Variants in ERLIN1 observed in about 807,000 individuals in gnomAD.
ERLIN1 encodes the protein erlin-1.
Under a neutral mutation model 46.9 loss-of-function variants are expected in ERLIN1, and 24 were observed. The ratio of observed to expected loss-of-function variants is 0.51; its 90% CI spans 0.37 to 0.72. ERLIN1 has a LOEUF of 0.72. Ranked by LOEUF, ERLIN1 falls within the 30% of genes least tolerant of loss-of-function variation. The pLI is 0.00. For synonymous variants in ERLIN1, 158 were observed against 143.2 expected, an observed-to-expected ratio of 1.10 and a Z score of -0.74; for missense variants, 293 against 417.9, an observed-to-expected ratio of 0.70 and a Z score of 2.61.
At chr10:100,155,620 T>C (rs1843039007) in intron 9 of ERLIN1, among the ~76,000 whole-genome samples, 1 of 152,004 alleles carries the variant, frequency 6.6e-6, no homozygotes, top group South Asian at 2.1e-4. Context: ...GTTCACGCCA[T>C]TCTCCTGCCT....
intron 6 of ERLIN1, among the ~76,000 whole-genome samples, chr10:100,168,914 A>G (rs1004456622): frequency 6.6e-6 from 1 of 151,952 alleles, no homozygotes; most frequent in Non-Finnish European, 1.5e-5. Flanking sequence ...GAACTCCTGA[A>G]CTCAGGTGAT....
rs55801624 is a variant in ERLIN1, at chr10:100,166,427, C to CA, written c.563+920dup. ...TGGGCAACAGAGCAAGACCTTGTCT[C>CA]AAAAAAAAAAAAATTAAGAAAAAGA... On this transcript the variant is annotated intron_variant, in intron 7 of 10. Coordinates refer to ENST00000421367, the MANE Select transcript of ERLIN1 (RefSeq NM_006459.4). 6.3e-3 allele frequency among the ~76,000 whole-genome samples: 688 copies of CA among 109,506 alleles called. 6 individuals carry two copies. The highest frequency in any genetic ancestry group is 0.027 in the East Asian group (102 of 3,848). 71.8% of individuals were successfully genotyped at this position (109,506 alleles called of 152,430 possible).
At chr10:100,159,714 A>G (rs1564800754) in intron 8 of ERLIN1, among the ~76,000 whole-genome samples, 1 of 152,148 alleles carries the variant, frequency 6.6e-6, no homozygotes, top group Non-Finnish European at 1.5e-5. Flanking sequence ...TTTAGAATTA[A>G]AACTGAACAC....
intron 1 of ERLIN1, 97 bp downstream of exon 1, chr10:100,185,417 C>T: frequency 2.1e-6 from 2 of 933,134 alleles, no homozygotes; most frequent in Non-Finnish European, 3.4e-6. Flanking sequence ...GGGACATGCG[C>T]CCCCGAACGT....
chr10:100,154,987 TAA>T (rs768425611), intron 9 of ERLIN1, 48 bp from the exon 10 acceptor site: 15 of 1,466,528 alleles, frequency 1.0e-5, no homozygotes, highest in Non-Finnish European at 1.4e-5. Context: ...CTCAGCTAGT[TAA>T]GAGTCCCTTT....
rs1844494312 is a variant in ERLIN1 at position 100,179,263 on chromosome 10, T to C, written c.196-16A>G. The C allele has an allele frequency of 6.3e-7, 1 of 1,578,618 alleles. No individual in the cohort carries two copies. The highest frequency in any genetic ancestry group is 8.6e-7 in the Non-Finnish European group (1 of 1,157,668). On this transcript the variant is annotated splice_polypyrimidine_tract_variant and intron_variant, in intron 2 of 10. Coordinates refer to ENST00000421367, the MANE Select transcript of ERLIN1 (RefSeq NM_006459.4). ...GTAGTGTTGTCTAGGGAGGAAAAGA[T>C]ATCTCATCAACACTCAAGACACACA... is the stretch of plus-strand genomic sequence containing the variant.
In ERLIN1 at chr10:100,150,771, C is replaced by A. The variant is rs1303334226; in HGVS notation, c.*1360G>T. On this transcript the variant is annotated 3_prime_UTR_variant, in exon 11 of 11. Transcript: ENST00000421367. Reference sequence around the variant, plus strand: ...ACAAGAGTTGTCTTAACAAGCTGCACAAACTCAGGCCGAACTACGCAGCAC... The same window carrying A: ...ACAAGAGTTGTCTTAACAAGCTGCAAAAACTCAGGCCGAACTACGCAGCAC... 3 of 152,394 alleles carry A rather than the reference C, an allele frequency of 2.0e-5. No homozygotes were observed. 9.4% of individuals were successfully genotyped at this position (152,394 alleles called of 1,614,324 possible).
In ERLIN1 at chr10:100,150,661, C is replaced by CTGTCATGAGACTGAGTT. The variant is rs1490240849; in HGVS notation, c.*1469_*1470insAACTCAGTCTCATGACA. Reference sequence around the variant, plus strand: ...TAAAGTGTTTGGCACAACCAACAAACTGTCATGAGACTGACAGGCCTGACA... The same window carrying CTGTCATGAGACTGAGTT: ...TAAAGTGTTTGGCACAACCAACAAACTGTCATGAGACTGAGTTTGTCATGAGACTGACAGGCCTGACA... On this transcript the variant is annotated 3_prime_UTR_variant, in exon 11 of 11. Coordinates refer to ENST00000421367, the MANE Select transcript of ERLIN1 (RefSeq NM_006459.4). The CTGTCATGAGACTGAGTT allele has an allele frequency of 6.6e-6, 1 of 152,626 alleles. No homozygotes were observed. The highest frequency in any genetic ancestry group is 6.5e-5 in the Admixed American group (1 of 15,280). 9.5% of individuals were successfully genotyped at this position (152,626 alleles called of 1,614,324 possible).
intron 1 of ERLIN1, among the ~76,000 whole-genome samples, chr10:100,184,286 T>C (rs962001019): frequency 2.0e-5 from 3 of 152,208 alleles, no homozygotes; most frequent in Admixed American, 6.5e-5. Flanking sequence ...CTGAGGCTTA[T>C]AATTCTTTCG....
intron 2 of ERLIN1, among the ~76,000 whole-genome samples, chr10:100,180,727 T>C (rs1167536658): frequency 2.0e-5 from 3 of 152,148 alleles, no homozygotes; most frequent in Non-Finnish European, 2.9e-5. Context: ...GCTGGGGAGT[T>C]TGGGATCTCT....
chr10:100,173,074 T>C (rs760636356), intron 6 of ERLIN1, among the ~76,000 whole-genome samples: 4 of 152,208 alleles, frequency 2.6e-5, no homozygotes, highest in Non-Finnish European at 4.4e-5. Flanking sequence ...TGACATTGCA[T>C]GAATGAGGCC....
At chr10:100,171,277 T>A (rs572611056) in intron 6 of ERLIN1, among the ~76,000 whole-genome samples, 1 of 152,088 alleles carries the variant, frequency 6.6e-6, no homozygotes, top group Non-Finnish European at 1.5e-5. Context: ...AAGAAAAAAT[T>A]TGAAGAAAAT....
intron 7 of ERLIN1, among the ~76,000 whole-genome samples, chr10:100,164,451 T>G (rs550974053): frequency 6.6e-6 from 1 of 152,228 alleles, no homozygotes; most frequent in South Asian, 2.1e-4. Flanking sequence ...TCTGTGCCAA[T>G]TAGAAAACGG....
intron 8 of ERLIN1, among the ~76,000 whole-genome samples, chr10:100,161,637 A>T (rs1843367850): frequency 6.6e-6 from 1 of 152,210 alleles, no homozygotes. Context: ...GTTAACAGGT[A>T]AGAGAAATAG....
intron 10 of ERLIN1, among the ~76,000 whole-genome samples, chr10:100,153,610 T>C (rs1842919362): frequency 6.6e-6 from 1 of 152,230 alleles, no homozygotes; most frequent in African/African-American, 2.4e-5. Context: ...AGGTGATTCA[T>C]ATCCTCTGTC....
intron 9 of ERLIN1, among the ~76,000 whole-genome samples, chr10:100,155,600 C>T (rs1199641839): frequency 4.6e-5 from 7 of 151,764 alleles, no homozygotes; most frequent in Non-Finnish European, 7.4e-5. Flanking sequence ...CTGCAAGCTC[C>T]GCCTCCCAGG....
At position 100,150,498 on chromosome 10, in the gene ERLIN1, C is replaced by T. The variant is rs1478230810; in HGVS notation, c.*1633G>A. 6.6e-6 allele frequency: 1 copy of T among 152,604 alleles called. No homozygotes were observed. Among genetic ancestry groups the T allele is most frequent in the Non-Finnish European group, 1.5e-5 (1 of 68,014 alleles). 9.5% of individuals were successfully genotyped at this position (152,604 alleles called of 1,614,324 possible). A position where few individuals can be genotyped will look rare whatever the true frequency, so the allele number is the denominator to read the frequency against. On this transcript the variant is annotated 3_prime_UTR_variant, in exon 11 of 11. Transcript: ENST00000421367. The stretch of plus-strand genomic sequence containing the variant: ...AGTTCTTTTAAGGAGAACTAAAGAA[C>T]ACAAAATTCATTTATAAAGAGAATT...
intron 8 of ERLIN1, among the ~76,000 whole-genome samples, chr10:100,160,104 G>A (rs750745342): frequency 3.3e-5 from 5 of 151,944 alleles, no homozygotes; most frequent in South Asian, 2.1e-4. Context: ...AGAATTCTAC[G>A]AACAAATTTA....
At position 100,155,297 on chromosome 10, in the gene ERLIN1, C is replaced by G. The variant is rs374959172; in HGVS notation, c.746-358G>C. 1.6e-4 allele frequency among the ~76,000 whole-genome samples: 24 copies of G among 152,114 alleles called. No individual in the cohort carries two copies. The East Asian group carries it at 3.7e-3, about 23-fold the overall frequency. On this transcript the variant is annotated intron_variant, in intron 9 of 10. Coordinates refer to ENST00000421367, the MANE Select transcript of ERLIN1 (RefSeq NM_006459.4). ...TATTTACTGCATTGTCTCCAGCCCC[C>G]CCCCAAATTTCATCCAGAATCAGTC... is the stretch of plus-strand genomic sequence containing the variant.
Sources: gnomAD v4.1 joint callset for allele counts (sites outside exome capture counted in the v4.1 genomes callset) on GRCh38, gnomAD v4.1.1 for gene constraint, MANE v1.5 for transcripts, NCBI Gene and HGNC (gene_info 2026-07-23, HGNC 2026-07-21) for gene names.